The following DAB1 variants were observed in gnomAD, a reference collection of about 807,000 sequenced individuals.
DAB1 encodes disabled homolog 1.
In DAB1, 15 loss-of-function variants were observed where a neutral mutation model predicts 64.6. The observed-to-expected ratio is 0.23, with a 90% confidence interval of 0.16 to 0.36. The LOEUF is 0.36. Ranked by LOEUF, DAB1 falls within the 10% of genes least tolerant of loss-of-function variation. The pLI is 1.00. For synonymous variants in DAB1, 235 were observed against 251.9 expected (o/e 0.93, Z 0.64); for missense variants, 596 against 706.7 (o/e 0.84, Z 1.78).
At chr1:57,537,367 C>T (rs1490824301) in intron 7 of DAB1, among the ~76,000 whole-genome samples, 1 of 152,110 alleles carries the variant, frequency 6.6e-6, no homozygotes, top group African/African-American at 2.4e-5. Context: ...TTTTGCGATG[C>T]TCTTCAGGTT....
intron 3 of DAB1, among the ~76,000 whole-genome samples, chr1:58,440,217 C>G (rs1033886614): frequency 6.6e-6 from 1 of 152,238 alleles, no homozygotes; most frequent in Admixed American, 6.5e-5. Context: ...TCACCCTCTG[C>G]CTGCCTCTGC....
At chr1:57,868,133 T>C (rs925669723) in intron 1 of DAB1, among the ~76,000 whole-genome samples, 2 of 152,172 alleles carry the variant, frequency 1.3e-5, no homozygotes, top group African/African-American at 4.8e-5. Flanking sequence ...AAAGAAGTGA[T>C]TAGGTAATTT....
intron 1 of DAB1, among the ~76,000 whole-genome samples, chr1:57,331,457 T>A (rs564651853): frequency 6.6e-6 from 1 of 152,232 alleles, no homozygotes; most frequent in Non-Finnish European, 1.5e-5. Flanking sequence ...GTATGACTTC[T>A]GGAGTCAAAA....
intron 1 of DAB1, among the ~76,000 whole-genome samples, chr1:57,873,487 T>C (rs1410640478): frequency 6.6e-6 from 1 of 152,202 alleles, no homozygotes; most frequent in African/African-American, 2.4e-5. Flanking sequence ...ATCTTGAATG[T>C]AGAGGAAGCC....
intron 4 of DAB1, among the ~76,000 whole-genome samples, chr1:58,220,245 T>C (rs1326668904): frequency 6.6e-6 from 1 of 152,216 alleles, no homozygotes. Flanking sequence ...GGTAATTCTC[T>C]ATTTTGGCTT....
chr1:57,487,080 G>A (rs1235999505), intron 7 of DAB1, among the ~76,000 whole-genome samples: 3 of 152,128 alleles, frequency 2.0e-5, no homozygotes, highest in Non-Finnish European at 2.9e-5. Flanking sequence ...AGGTTTCCTG[G>A]GCAGGGACAC....
chr1:57,704,855 C>T (rs1295208683), intron 6 of DAB1, among the ~76,000 whole-genome samples: 2 of 106,388 alleles, frequency 1.9e-5, no homozygotes, highest in Non-Finnish European at 4.2e-5. Context: ...CTCTAAAATG[C>T]CCTTGCTCTT....
At chr1:57,166,800 C>T (rs1661248539) in intron 2 of DAB1, among the ~76,000 whole-genome samples, 1 of 152,166 alleles carries the variant, frequency 6.6e-6, no homozygotes, top group South Asian at 2.1e-4. Context: ...GGGCACCCAT[C>T]ATAAGTCAGG....
chr1:57,913,065 A>C lies in DAB1; in HGVS notation n.388-28903T>G, dbSNP rs543732838. ...TGCCATTCCCATCAAGCTACCAATG[A>C]CTTTCTTCACAGAATTGGAAAAAAC... is the stretch of plus-strand genomic sequence containing the variant. On this transcript the variant is annotated intron_variant and non_coding_transcript_variant, in intron 5 of 20. Coordinates refer to the DAB1 transcript ENST00000485760. Among the ~76,000 whole-genome samples, 30 of 152,330 alleles carry C rather than the reference A, an allele frequency of 2.0e-4. 1 individual carries two copies. Among genetic ancestry groups the C allele is most frequent in the Non-Finnish European group, 5.9e-5 (4 of 68,034 alleles).
At chr1:57,254,878 T>G (rs1332379827) in intron 2 of DAB1, among the ~76,000 whole-genome samples, 1 of 151,994 alleles carries the variant, frequency 6.6e-6, no homozygotes, top group East Asian at 1.9e-4. Context: ...CACACACAAT[T>G]GAAAATTCTG....
intron 4 of DAB1, among the ~76,000 whole-genome samples, chr1:58,246,792 T>C (rs1265329865): frequency 6.6e-6 from 1 of 152,076 alleles, no homozygotes; most frequent in Admixed American, 6.6e-5. Context: ...GTGAGTGGTG[T>C]GAATGTAATG....
At chr1:57,897,291 G>A (rs1017487106) in intron 5 of DAB1, among the ~76,000 whole-genome samples, 9 of 152,134 alleles carry the variant, frequency 5.9e-5, no homozygotes, top group Non-Finnish European at 1.2e-4. Flanking sequence ...TTGCCCATGG[G>A]AAAATGTTTA....
chr1:57,553,345 AAG>A (rs1052546812), intron 7 of DAB1, among the ~76,000 whole-genome samples: 6 of 147,450 alleles, frequency 4.1e-5, no homozygotes, highest in Non-Finnish European at 7.4e-5. Flanking sequence ...GAAACAGAGA[AAG>A]AGAGAGAGAA....
In DAB1 at chr1:57,392,001, C is replaced by G. The variant is rs546280711; in HGVS notation, c.-137+31929G>C. Among the ~76,000 whole-genome samples the G allele has an allele frequency of 3.3e-5, 5 of 152,104 alleles. No individual in the cohort carries two copies. The South Asian group carries it at 6.2e-4, about 19-fold the overall frequency. On this transcript the variant is annotated intron_variant, in intron 1 of 14. Coordinates refer to ENST00000371236, the MANE Select transcript of DAB1 (RefSeq NM_001365792.1). ...AATGTCTTAGTGATTTTTAATAAACCAGATCAGACTCATTCAGGTACACTT... is the reference window on the plus strand; with the variant it reads ...AATGTCTTAGTGATTTTTAATAAACGAGATCAGACTCATTCAGGTACACTT...
At chr1:58,124,515 T>C (rs1041018085) in intron 5 of DAB1, among the ~76,000 whole-genome samples, 3 of 152,200 alleles carry the variant, frequency 2.0e-5, no homozygotes, top group Admixed American at 2.0e-4. Context: ...CTGATCTACC[T>C]AAATAATATT....
At chr1:57,091,854 TTTG>T (rs1482428256) in intron 4 of DAB1, among the ~76,000 whole-genome samples, 1 of 152,208 alleles carries the variant, frequency 6.6e-6, no homozygotes, top group Non-Finnish European at 1.5e-5. Flanking sequence ...GTGGTTTTTG[TTTG>T]TTTTGGTTTT....
At chr1:58,066,778 C>T (rs936139012) in intron 5 of DAB1, among the ~76,000 whole-genome samples, 5 of 152,144 alleles carry the variant, frequency 3.3e-5, no homozygotes, top group African/African-American at 1.2e-4. Context: ...GAGTCTTGCT[C>T]CTCAGATACC....
chr1:57,339,567 T>C (rs1375013630), intron 1 of DAB1, among the ~76,000 whole-genome samples: 3 of 152,206 alleles, frequency 2.0e-5, no homozygotes, highest in Non-Finnish European at 4.4e-5. Flanking sequence ...GAATGTAAAG[T>C]GGAAATAAGA....
At position 57,065,214 on chromosome 1, in the gene DAB1, A is replaced by C. The variant is rs1020793302; in HGVS notation, c.664-2271T>G. 3.3e-5 allele frequency among the ~76,000 whole-genome samples: 5 copies of C among 152,164 alleles called. 1 individual carries two copies. Among genetic ancestry groups the C allele is most frequent in the African/African-American group, 4.8e-5 (2 of 41,438 alleles). On this transcript the variant is annotated intron_variant, in intron 8 of 14. Transcript: ENST00000371236. ...ATCTCAGCTGGGATATCTTCTTGGA[A>C]GCCTCACTTGATTCTCTAGGCCTTG...
Sources: gnomAD v4.1 joint callset for allele counts (sites outside exome capture counted in the v4.1 genomes callset) on GRCh38, gnomAD v4.1.1 for gene constraint, MANE v1.5 for transcripts, NCBI Gene and HGNC (gene_info 2026-07-23, HGNC 2026-07-21) for gene names.